TAFA1: variants seen among roughly 807,000 people sequenced by gnomAD.
The protein encoded by TAFA1 is TAFA chemokine like family member 1.
In TAFA1, 4 loss-of-function variants were observed where a neutral mutation model predicts 18.5. The ratio of observed to expected loss-of-function variants is 0.22; its 90% CI spans 0.11 to 0.49. The LOEUF (loss-of-function observed/expected upper bound fraction) is 0.49, where lower values mean the gene tolerates loss of function less well. TAFA1 is among the 20% of genes least tolerant of loss of function. The pLI, the probability that TAFA1 is intolerant of heterozygous loss-of-function variation, is 0.98. For missense variants in TAFA1, 147 were observed against 169.0 expected (o/e 0.87, Z 0.72); for synonymous variants, 56 against 55.2 (o/e 1.01, Z -0.06).
intron 2 of TAFA1, among the ~76,000 whole-genome samples, chr3:68,212,372 T>C (rs531209500): frequency 6.6e-6 from 1 of 152,144 alleles, no homozygotes; most frequent in African/African-American, 2.4e-5. Flanking sequence ...GAGAAGTTTT[T>C]AGTAGAGAAG....
chr3:68,112,127 A>G (rs775321941), intron 2 of TAFA1, among the ~76,000 whole-genome samples: 3 of 152,084 alleles, frequency 2.0e-5, no homozygotes, highest in Non-Finnish European at 2.9e-5. Flanking sequence ...TAGAGAAGAG[A>G]CAGAGCAAGG....
chr3:68,031,946 ATCT>A (rs1356439834), intron 2 of TAFA1, among the ~76,000 whole-genome samples: 3 of 152,144 alleles, frequency 2.0e-5, no homozygotes, highest in Non-Finnish European at 4.4e-5. Flanking sequence ...ACGGATTTGA[ATCT>A]TCTTATAGTT....
chr3:68,462,482 A>G (rs2071802518), intron 3 of TAFA1, among the ~76,000 whole-genome samples: 1 of 152,144 alleles, frequency 6.6e-6, no homozygotes, highest in Non-Finnish European at 1.5e-5. Flanking sequence ...ATGAGGCCTC[A>G]CTAGCCATGT....
At chr3:68,179,655 T>C (rs2066170431) in intron 2 of TAFA1, among the ~76,000 whole-genome samples, 1 of 152,240 alleles carries the variant, frequency 6.6e-6, no homozygotes, top group Admixed American at 6.5e-5. Flanking sequence ...AATGTTTTCT[T>C]TGTAAAGTTT....
chr3:68,502,368 C>A (rs567207167), intron 3 of TAFA1, among the ~76,000 whole-genome samples: 1 of 152,038 alleles, frequency 6.6e-6, no homozygotes, highest in Admixed American at 6.6e-5. Flanking sequence ...AAGACTTTCA[C>A]CAAACACAAA....
At chr3:68,052,299 C>A (rs1395699452) in intron 2 of TAFA1, among the ~76,000 whole-genome samples, 1 of 152,112 alleles carries the variant, frequency 6.6e-6, no homozygotes, top group East Asian at 1.9e-4. Context: ...AACAATGGCC[C>A]TAAACAGGCC....
intron 2 of TAFA1, among the ~76,000 whole-genome samples, chr3:68,197,219 C>A (rs2066420696): frequency 6.6e-6 from 1 of 151,590 alleles, no homozygotes; most frequent in Non-Finnish European, 1.5e-5. Context: ...GAAATATTTG[C>A]CAGCTTTCTT....
intron 2 of TAFA1, among the ~76,000 whole-genome samples, chr3:68,396,846 A>G (rs1005785662): frequency 4.6e-5 from 7 of 152,210 alleles, no homozygotes; most frequent in African/African-American, 1.7e-4. Context: ...TCTTTTAAGA[A>G]CTACTCAGTG....
chr3:68,112,043 G>A (rs997427398), intron 2 of TAFA1, among the ~76,000 whole-genome samples: 4 of 152,036 alleles, frequency 2.6e-5, no homozygotes, highest in African/African-American at 9.7e-5. Flanking sequence ...TCTGTCCATT[G>A]CATCTTGGTA....
chr3:68,260,845 A>G (rs2067404147), intron 2 of TAFA1, among the ~76,000 whole-genome samples: 1 of 152,180 alleles, frequency 6.6e-6, no homozygotes, highest in Admixed American at 6.5e-5. Context: ...AATACCATTC[A>G]GGACATAGGC....
intron 2 of TAFA1, among the ~76,000 whole-genome samples, chr3:68,384,455 G>T (rs1469335734): frequency 1.3e-5 from 2 of 151,962 alleles, no homozygotes; most frequent in African/African-American, 4.8e-5. Context: ...GTTATTCAAT[G>T]TAAATGTACT....
chr3:67,993,056 A>C, the TAFA1 span, among the ~76,000 whole-genome samples: 2 of 152,206 alleles, frequency 1.3e-5, no homozygotes, highest in Non-Finnish European at 1.5e-5. Context: ...GAAGAAAGTA[A>C]GATGCTTGGT....
chr3:68,387,455 C>T (rs778309096), intron 2 of TAFA1, among the ~76,000 whole-genome samples: 1 of 152,024 alleles, frequency 6.6e-6, no homozygotes, highest in Non-Finnish European at 1.5e-5. Context: ...GCCACTCAGG[C>T]GATTTTTATT....
chr3:68,078,452 A>T (rs1314040981), intron 2 of TAFA1, among the ~76,000 whole-genome samples: 1 of 152,186 alleles, frequency 6.6e-6, no homozygotes, highest in African/African-American at 2.4e-5. Context: ...TGGGTTTGTC[A>T]TAGATAGCTC....
intron 2 of TAFA1, among the ~76,000 whole-genome samples, chr3:68,098,254 A>T (rs1208727017): frequency 6.7e-6 from 1 of 148,460 alleles, no homozygotes. Context: ...TTAAGGTGTG[A>T]CTGTTTTTTT....
chr3:68,322,185 A>T (rs750487665), intron 2 of TAFA1, among the ~76,000 whole-genome samples: 3 of 152,230 alleles, frequency 2.0e-5, no homozygotes, highest in Non-Finnish European at 2.9e-5. Flanking sequence ...CTCTGATCTT[A>T]TATTATAGAT....
intron 2 of TAFA1, among the ~76,000 whole-genome samples, chr3:68,015,297 T>TA (rs1293553084): frequency 1.3e-5 from 2 of 151,544 alleles, no homozygotes. Flanking sequence ...CTTTCCTTTT[T>TA]TTTTTTGAGA....
intron 3 of TAFA1, among the ~76,000 whole-genome samples, chr3:68,512,841 TATTA>T (rs1196268189): frequency 2.6e-5 from 4 of 152,158 alleles, no homozygotes; most frequent in African/African-American, 9.6e-5. Context: ...TTACATGAAC[TATTA>T]ATTTAAACCT....
rs540643110 is a variant in TAFA1 at position 68,200,896 on chromosome 3, C to T, written c.118+194152C>T. ...TTTATTATCTCTTTTCTGTTGCTTA[C>T]TTGGGTTTAATTTGCTCTCCTTTTT... On this transcript the variant is annotated intron_variant, in intron 2 of 4. Transcript: ENST00000478136. Among the ~76,000 whole-genome samples the T allele has an allele frequency of 6.6e-5, 10 of 151,530 alleles. No individual in the cohort carries two copies. In the South Asian group the frequency reaches 1.9e-3, roughly 28 times the overall value.
Sources: gnomAD v4.1 joint callset for allele counts (sites outside exome capture counted in the v4.1 genomes callset) on GRCh38, gnomAD v4.1.1 for gene constraint, MANE v1.5 for transcripts, NCBI Gene and HGNC (gene_info 2026-07-23, HGNC 2026-07-21) for gene names.